EPB41L2: variants seen among roughly 807,000 people sequenced by gnomAD.
EPB41L2 encodes the protein band 4.1-like protein 2.
EPB41L2 carries 43 observed loss-of-function variants against 113.0 expected under a neutral mutation model. The observed-to-expected ratio is 0.38, with a 90% confidence interval of 0.30 to 0.49. The LOEUF is 0.49. Ranked by LOEUF, EPB41L2 falls within the 20% of genes least tolerant of loss-of-function variation. The probability of loss-of-function intolerance (pLI) is 0.95; values close to 1 mark genes in which losing one functional copy is unlikely to be tolerated. For synonymous variants in EPB41L2, 442 were observed against 436.7 expected (o/e 1.01, Z -0.15); for missense variants, 1,147 against 1,223.4 (o/e 0.94, Z 0.93).
At chr6:130,857,527 T>C (rs564692029) in intron 19 of EPB41L2, among the ~76,000 whole-genome samples, 1 of 151,852 alleles carries the variant, frequency 6.6e-6, no homozygotes, top group African/African-American at 2.4e-5. Flanking sequence ...TCTTTTCCTT[T>C]CTGGTTCATT....
At chr6:130,984,281 A>T (rs1200554598) in intron 1 of EPB41L2, among the ~76,000 whole-genome samples, 2 of 152,222 alleles carry the variant, frequency 1.3e-5, no homozygotes, top group Non-Finnish European at 2.9e-5. Flanking sequence ...TTTTGTAAGT[A>T]GAAGAAGTAT....
intron 5 of EPB41L2, among the ~76,000 whole-genome samples, chr6:130,906,530 T>G (rs561481326): frequency 2.0e-5 from 3 of 152,340 alleles, no homozygotes; most frequent in Non-Finnish European, 2.9e-5. Flanking sequence ...ATCATAATTT[T>G]TACCTAGCTG....
intron 1 of EPB41L2, among the ~76,000 whole-genome samples, chr6:131,014,895 G>C (rs1157646059): frequency 6.6e-6 from 1 of 152,136 alleles, no homozygotes; most frequent in Non-Finnish European, 1.5e-5. Context: ...ATTACACAGG[G>C]AAGAAATCCG....
intron 1 of EPB41L2, among the ~76,000 whole-genome samples, chr6:131,059,943 T>C (rs1314955357): frequency 1.3e-5 from 2 of 152,208 alleles, no homozygotes; most frequent in Non-Finnish European, 2.9e-5. Context: ...TCTTTTGTTT[T>C]CTCCAAGTAA....
At chr6:131,059,649 A>T (rs1314922735) in intron 1 of EPB41L2, among the ~76,000 whole-genome samples, 1 of 152,204 alleles carries the variant, frequency 6.6e-6, no homozygotes, top group African/African-American at 2.4e-5. Context: ...AGACATTCCA[A>T]AGACATTAGA....
intron 1 of EPB41L2, among the ~76,000 whole-genome samples, chr6:130,958,473 A>C (rs1362845931): frequency 0.014 from 1,460 of 104,542 alleles, 18 homozygotes; most frequent in African/African-American, 0.062. Flanking sequence ...AACAACAAAA[A>C]AAAAAAAAAA....
chr6:130,987,683 ACT>A (rs1780884835), intron 1 of EPB41L2, among the ~76,000 whole-genome samples: 1 of 145,928 alleles, frequency 6.9e-6, no homozygotes, highest in Non-Finnish European at 1.5e-5. Flanking sequence ...ACAGAGCAAG[ACT>A]CTGTCTCATA....
chr6:130,959,387 G>C (rs568886071), intron 1 of EPB41L2, among the ~76,000 whole-genome samples: 5 of 152,236 alleles, frequency 3.3e-5, no homozygotes, highest in East Asian at 1.9e-4. Context: ...AGAGAAAAAG[G>C]GTAGCTTAAA....
At chr6:130,861,464 C>T (rs954774360) in intron 18 of EPB41L2, among the ~76,000 whole-genome samples, 2 of 152,138 alleles carry the variant, frequency 1.3e-5, no homozygotes, top group African/African-American at 4.8e-5. Context: ...GACAGCAAAG[C>T]GATTTCATCA....
At chr6:130,987,686 CTG>C (rs1780885480) in intron 1 of EPB41L2, among the ~76,000 whole-genome samples, 1 of 142,938 alleles carries the variant, frequency 7.0e-6, no homozygotes, top group South Asian at 2.3e-4. Flanking sequence ...GAGCAAGACT[CTG>C]TCTCATAAAT....
At chr6:131,041,884 T>C (rs896159863) in intron 1 of EPB41L2, among the ~76,000 whole-genome samples, 3 of 152,330 alleles carry the variant, frequency 2.0e-5, no homozygotes, top group Admixed American at 1.3e-4. Context: ...TGGATAAATA[T>C]GAACACACAT....
At chr6:131,016,849 A>AC (rs79975417) in intron 1 of EPB41L2, among the ~76,000 whole-genome samples, 23,735 of 86,822 alleles carry the variant, frequency 0.27, 2,387 homozygotes, top group East Asian at 0.48. Flanking sequence ...ATTCGCACAC[A>AC]AAAAAAAAAC....
At chr6:130,937,384 C>CA (rs534099568) in intron 3 of EPB41L2, among the ~76,000 whole-genome samples, 94 of 152,304 alleles carry the variant, frequency 6.2e-4, no homozygotes, top group African/African-American at 2.3e-3. Flanking sequence ...CTGCATACTC[C>CA]AAATCCATCA....
At chr6:130,872,243 T>C (rs1785961455) in intron 14 of EPB41L2, 1 of 677,140 alleles carries the variant, frequency 1.5e-6, no homozygotes. Context: ...GTTTCTTGAA[T>C]GTTTCTCCCA....
chr6:130,960,212 C>T lies in EPB41L2; in HGVS notation c.-14-3713G>A, dbSNP rs997815726. On this transcript the variant is annotated intron_variant, in intron 1 of 19. Transcript: ENST00000337057. ...AATGCAATCACAGCTCCATTATGCA[C>T]GAATGACCTACTCAACCACAGAGTC... is the stretch of plus-strand genomic sequence containing the variant. Among the ~76,000 whole-genome samples the T allele has an allele frequency of 2.0e-5, 3 of 152,128 alleles. 1 individual carries two copies. The highest frequency in any genetic ancestry group is 4.1e-4 in the South Asian group (2 of 4,820).
At chr6:131,041,287 A>T (rs1263430578) in intron 1 of EPB41L2, among the ~76,000 whole-genome samples, 1 of 152,232 alleles carries the variant, frequency 6.6e-6, no homozygotes, top group Non-Finnish European at 1.5e-5. Context: ...AGGAAAAAAC[A>T]TATGGGAAAA....
At chr6:130,925,193 T>TTC (rs956539260) in intron 4 of EPB41L2, among the ~76,000 whole-genome samples, 8 of 147,486 alleles carry the variant, frequency 5.4e-5, no homozygotes, top group African/African-American at 2.0e-4. Flanking sequence ...TTCTTTTCTT[T>TTC]TTTTTTTTTT....
intron 19 of EPB41L2, among the ~76,000 whole-genome samples, chr6:130,847,197 C>T (rs1206548174): frequency 1.3e-5 from 2 of 152,212 alleles, no homozygotes; most frequent in East Asian, 3.9e-4. Flanking sequence ...CTTCCCTCCC[C>T]AATCTCCAAC....
intron 8 of EPB41L2, among the ~76,000 whole-genome samples, chr6:130,896,526 T>A (rs2128489925): frequency 6.6e-6 from 1 of 152,342 alleles, no homozygotes; most frequent in South Asian, 2.1e-4. Flanking sequence ...AAACATTGAA[T>A]GAGCCATCTC....
Sources: gnomAD v4.1 joint callset for allele counts (sites outside exome capture counted in the v4.1 genomes callset) on GRCh38, gnomAD v4.1.1 for gene constraint, MANE v1.5 for transcripts, NCBI Gene and HGNC (gene_info 2026-07-23, HGNC 2026-07-21) for gene names.